The following KIAA0930 variants were observed in gnomAD, a reference collection of about 807,000 sequenced individuals.
The protein encoded by KIAA0930 is KIAA0930.
KIAA0930 carries 24 observed loss-of-function variants against 43.9 expected under a neutral mutation model. The ratio of observed to expected loss-of-function variants is 0.55; its 90% confidence interval spans 0.40 to 0.77. The LOEUF (loss-of-function observed/expected upper bound fraction) is 0.77. Ranked by LOEUF, KIAA0930 falls within the 30% of genes least tolerant of loss-of-function variation. KIAA0930 has a pLI of 0.00. For missense variants in KIAA0930, 461 were observed against 574.2 expected (o/e 0.80, Z 2.02); for synonymous variants, 259 against 216.4 (o/e 1.20, Z -1.73).
intron 1 of KIAA0930, among the ~76,000 whole-genome samples, chr22:45,222,591 G>C (rs903850863): frequency 2.0e-5 from 3 of 151,868 alleles, no homozygotes; most frequent in Non-Finnish European, 2.9e-5. Context: ...TTACAAGCAT[G>C]AGCCACTGGG....
chr22:45,210,556 G>A (rs5766546), intron 2 of KIAA0930, among the ~76,000 whole-genome samples: 18,909 of 152,190 alleles, frequency 0.12, 1,366 homozygotes, highest in East Asian at 0.21. Context: ...ACCCCAGAGA[G>A]GAGATGACCT....
chr22:45,221,889 C>T (rs976069159), intron 1 of KIAA0930, among the ~76,000 whole-genome samples: 5 of 152,166 alleles, frequency 3.3e-5, no homozygotes, highest in African/African-American at 1.2e-4. Context: ...CATGCGCAAC[C>T]ACGCCAGGCT....
At chr22:45,208,245 T>G (rs972202268) in intron 2 of KIAA0930, among the ~76,000 whole-genome samples, 5 of 150,916 alleles carry the variant, frequency 3.3e-5, no homozygotes, top group African/African-American at 1.2e-4. Context: ...AAACATGACA[T>G]GCGGAGAAAG....
intron 5 of KIAA0930, among the ~76,000 whole-genome samples, chr22:45,204,876 T>C (rs2083622024): frequency 6.6e-6 from 1 of 152,122 alleles, no homozygotes; most frequent in Non-Finnish European, 1.5e-5. Flanking sequence ...TATCATTTAC[T>C]AGCATTAATA....
At chr22:45,212,263 A>C in intron 1 of KIAA0930, 156 bp from the exon 2 acceptor site, 1 of 1,612,366 alleles carries the variant, frequency 6.2e-7, no homozygotes, top group Non-Finnish European at 8.5e-7. Flanking sequence ...CCCGACCCCC[A>C]CCCATGGAGC....
chr22:45,214,743 T>C lies in KIAA0930; in HGVS notation c.65-2636A>G, dbSNP rs926260137. 7.4e-5 allele frequency among the ~76,000 whole-genome samples: 11 copies of C among 148,708 alleles called. No individual in the cohort carries two copies. The South Asian group carries it at 1.3e-3, about 17-fold the overall frequency. On this transcript the variant is annotated intron_variant, in intron 1 of 9. Transcript: ENST00000336156. ...GGGCAACACAGTGAGACCTGGTCTC[T>C]AAAAAAAAAATAAAAATTAGCTGGG...
chr22:45,211,906 C>A, intron 2 of KIAA0930, 50 bp downstream of exon 2: 1 of 1,584,224 alleles, frequency 6.3e-7, no homozygotes, highest in South Asian at 1.1e-5. Flanking sequence ...GCAGACACCA[C>A]AGGGATGCTT....
chr22:45,205,770 G>GGGGGGGCC, intron 3 of KIAA0930, 23 bp downstream of exon 3: 2 of 1,523,772 alleles, frequency 1.3e-6, no homozygotes, highest in African/African-American at 1.4e-5. Context: ...CCAATCCGCA[G>GGGGGGGCC]CCCCACCCAT....
At chr22:45,235,587 G>A (rs1057189462) in intron 1 of KIAA0930, among the ~76,000 whole-genome samples, 2 of 152,140 alleles carry the variant, frequency 1.3e-5, no homozygotes, top group African/African-American at 4.8e-5. Flanking sequence ...ACTCAAAGCA[G>A]CCCGAGCGTC....
chr22:45,228,744 ACC>A (rs1406489243), intron 1 of KIAA0930, among the ~76,000 whole-genome samples: 4 of 17,446 alleles, frequency 2.3e-4, no homozygotes, highest in African/African-American at 7.7e-4. Flanking sequence ...CCACCCCCCT[ACC>A]ACCACTCACC....
intron 2 of KIAA0930, among the ~76,000 whole-genome samples, chr22:45,206,571 A>C (rs2083640043): frequency 6.6e-6 from 1 of 152,250 alleles, no homozygotes; most frequent in Admixed American, 6.5e-5. Flanking sequence ...CTTTTAAAGC[A>C]ACCCTGCAAT....
chr22:45,228,708 CA>C (rs1569083618), intron 1 of KIAA0930, among the ~76,000 whole-genome samples: 3 of 122,216 alleles, frequency 2.5e-5, no homozygotes, highest in South Asian at 2.8e-4. Flanking sequence ...CCCCAACCAC[CA>C]AACACTCACC....
chr22:45,194,567 A>T lies in KIAA0930; in HGVS notation c.*2609T>A, dbSNP rs2083519447. On this transcript the variant is annotated 3_prime_UTR_variant, in exon 10 of 10. Transcript: ENST00000336156. ...TAAAGATGGTCTTACAAGAAGTACA[A>T]ATGTGCCAACACCAGGACTTTGGGG... The T allele has an allele frequency of 6.6e-6, 1 of 152,208 alleles. No homozygotes were observed. Among genetic ancestry groups the T allele is most frequent in the South Asian group, 2.1e-4 (1 of 4,828 alleles). 9.4% of individuals were successfully genotyped at this position (152,208 alleles called of 1,614,324 possible).
intron 6 of KIAA0930, 49 bp downstream of exon 6, chr22:45,203,796 C>T (rs778117656): frequency 1.1e-5 from 17 of 1,589,000 alleles, no homozygotes; most frequent in Middle Eastern, 1.7e-4. Context: ...GCTGTGGAGC[C>T]GCCGTCCCCG....
rs1491008519 is a variant in KIAA0930, at chr22:45,229,318, CAT to C, written c.64+11320_64+11321del. Among the ~76,000 whole-genome samples the C allele has an allele frequency of 2.3e-3, 49 of 20,852 alleles. 2 individuals carry two copies. Among genetic ancestry groups the C allele is most frequent in the Middle Eastern group, 0.024 (1 of 42 alleles). 13.7% of individuals were successfully genotyped at this position (20,852 alleles called of 152,430 possible). On this transcript the variant is annotated intron_variant, in intron 1 of 9. Coordinates refer to ENST00000336156, the MANE Select transcript of KIAA0930 (RefSeq NM_001009880.2). ...CACTCACCTGAAAGATCCCTCTCCA[CAT>C]CCCCACCACCACTCACCGGAAAGAT...
At position 45,200,065 on chromosome 22, in the gene KIAA0930, T is replaced by C. The variant is rs199548794; in HGVS notation, c.853-30A>G. 9 of 1,571,140 alleles carry C rather than the reference T, an allele frequency of 5.7e-6. No homozygotes were observed. In the Admixed American group the frequency reaches 1.7e-4, roughly 29 times the overall value. On this transcript the variant is annotated intron_variant, in intron 7 of 9. Coordinates refer to ENST00000336156, the MANE Select transcript of KIAA0930 (RefSeq NM_001009880.2). Reference sequence around the variant, plus strand: ...GAACAAGCAGCCAAAGTCACCAGAGTAGCAGAACAGCCCCCTCCCCGGGGG... The same window carrying C: ...GAACAAGCAGCCAAAGTCACCAGAGCAGCAGAACAGCCCCCTCCCCGGGGG...
intron 1 of KIAA0930, among the ~76,000 whole-genome samples, chr22:45,233,619 T>G (rs1339179211): frequency 6.6e-6 from 1 of 152,068 alleles, no homozygotes; most frequent in African/African-American, 2.4e-5. Flanking sequence ...TTCACTAGGC[T>G]GACTCACCAG....
chr22:45,205,517 G>A, intron 4 of KIAA0930, 113 bp downstream of exon 4: 1 of 1,077,372 alleles, frequency 9.3e-7, no homozygotes, highest in Non-Finnish European at 1.4e-6. Context: ...GATTTCTGGA[G>A]TCAGACCCCT....
At chr22:45,211,591 T>C (rs552047705) in intron 2 of KIAA0930, among the ~76,000 whole-genome samples, 2 of 152,300 alleles carry the variant, frequency 1.3e-5, no homozygotes, top group South Asian at 2.1e-4. Flanking sequence ...CACCCTGCCA[T>C]GGCCAAGGGA....
Sources: allele counts gnomAD v4.1 joint callset (sites outside exome capture counted in the v4.1 genomes callset), GRCh38; gene constraint gnomAD v4.1.1; transcripts MANE v1.5; gene names NCBI Gene and HGNC (gene_info 2026-07-23, HGNC 2026-07-21).